The following COL4A5 variants were observed in gnomAD, a reference collection of about 807,000 sequenced individuals.
COL4A5 encodes the protein collagen type IV alpha 5 chain.
A neutral mutation model predicts 130.2 loss-of-function variants in COL4A5; 26 were observed. The ratio of observed to expected loss-of-function variants is 0.20; its 90% CI spans 0.15 to 0.28. The LOEUF is 0.28. Ranked by LOEUF, COL4A5 falls within the 10% of genes least tolerant of loss-of-function variation. The pLI, the probability that COL4A5 is intolerant of heterozygous loss-of-function variation, is 1.00. For synonymous variants in COL4A5, 496 were observed against 439.6 expected, an observed-to-expected ratio of 1.13 and a Z score of -1.60; for missense variants, 1,131 against 1,344.3, an observed-to-expected ratio of 0.84 and a Z score of 2.48.
At chrX:108,582,170 C>T (rs905245257) in intron 16 of COL4A5, among the ~76,000 whole-genome samples, 2 of 111,494 alleles carry the variant, frequency 1.8e-5, no homozygotes, top group African/African-American at 6.5e-5. Flanking sequence ...CAATCCTCAA[C>T]TTACAATCTC....
intron 25 of COL4A5, among the ~76,000 whole-genome samples, chrX:108,599,853 A>G (rs1428207066): frequency 8.9e-6 from 1 of 112,418 alleles, no homozygotes; most frequent in East Asian, 2.8e-4. Context: ...CAAAAGGCTT[A>G]CCAATACCTG....
In COL4A5 at chrX:108,681,822, C is replaced by G; in HGVS notation, c.4150C>G (p.Pro1384Ala). Residue 1384 changes from proline (P) to alanine (A), a missense_variant, in exon 47 of 53, where the codon CCA becomes GCA. Transcript: ENST00000328300. ...CATAATTAAAGGAGATGCTGGTCCT[C>G]CAGGAATCCCTGGCCAGCCTGGGCT... ...SIIIKGDAGP[P>A]GIPGQPGLKG... is the part of the protein sequence containing the mutation. 8.3e-7 allele frequency: 1 copy of G among 1,210,274 alleles called. No homozygotes were observed. Among genetic ancestry groups the G allele is most frequent in the Non-Finnish European group, 1.1e-6 (1 of 894,555 alleles).
At chrX:108,541,496 T>A (rs2067808648) in intron 2 of COL4A5, among the ~76,000 whole-genome samples, 1 of 112,242 alleles carries the variant, frequency 8.9e-6, no homozygotes, top group South Asian at 3.7e-4. Context: ...CAGCCCTTAG[T>A]CTGCATGGCA....
At chrX:108,464,842 G>T (rs1376627940) in intron 1 of COL4A5, among the ~76,000 whole-genome samples, 1 of 112,129 alleles carries the variant, frequency 8.9e-6, no homozygotes. Flanking sequence ...GTTGCCTGGG[G>T]AAATCTTACT....
intron 2 of COL4A5, among the ~76,000 whole-genome samples, chrX:108,558,046 G>A (rs1331118339): frequency 9.5e-6 from 1 of 105,182 alleles, no homozygotes; most frequent in Non-Finnish European, 2.0e-5. Context: ...TTTACATTAG[G>A]TATATCTCCT....
chrX:108,668,365 C>A lies in COL4A5; in HGVS notation c.3651C>A (p.Gly1217=), dbSNP rs1306254202. 1 of 1,211,139 alleles carries A rather than the reference C, an allele frequency of 8.3e-7. No individual in the cohort carries two copies. Among genetic ancestry groups the A allele is most frequent in the South Asian group, 1.8e-5 (1 of 56,954 alleles). ...TACCTGGGATTCCAGGAAATCCTGG[C>A]CTTCCAGGTCCAAAGGGCGAACCAG... is the stretch of plus-strand genomic sequence containing the variant. ...GGLPGIPGNP[G]LPGPKGEPGF... Residue 1217 remains glycine (G), a synonymous_variant, in exon 41 of 53, where the codon GGC becomes GGA. Transcript: ENST00000328300.
At chrX:108,652,462 C>T (rs1301392835) in intron 36 of COL4A5, among the ~76,000 whole-genome samples, 1 of 112,662 alleles carries the variant, frequency 8.9e-6, no homozygotes, top group Non-Finnish European at 1.9e-5. Flanking sequence ...ATGATGTTTA[C>T]TCTTTCTCCT....
intron 29 of COL4A5, among the ~76,000 whole-genome samples, chrX:108,611,206 A>T (rs1191457556): frequency 9.0e-6 from 1 of 111,495 alleles, no homozygotes; most frequent in Non-Finnish European, 1.9e-5. Context: ...ACTCATCATG[A>T]TATATCTATA....
chrX:108,539,597 CTG>C, intron 1 of COL4A5, 147 bp from the exon 2 acceptor site: 1 of 509,373 alleles, frequency 2.0e-6, no homozygotes, highest in Non-Finnish European at 3.5e-6. Context: ...TGAGAGGTAA[CTG>C]TTATTTGCAA....
At chrX:108,610,838 A>C (rs1248685331) in intron 29 of COL4A5, among the ~76,000 whole-genome samples, 2 of 111,560 alleles carry the variant, frequency 1.8e-5, no homozygotes, top group Non-Finnish European at 3.8e-5. Flanking sequence ...TAACTCCTTC[A>C]TTCTTCAAAC....
At chrX:108,670,197 T>C (rs1398822809) in intron 41 of COL4A5, 31 bp from the exon 42 acceptor site, 1 of 1,206,363 alleles carries the variant, frequency 8.3e-7, no homozygotes, top group Non-Finnish European at 1.1e-6. Context: ...ATGATGACAT[T>C]GGGCCTTGGT....
intron 1 of COL4A5, among the ~76,000 whole-genome samples, chrX:108,531,824 C>G (rs889327313): frequency 8.9e-6 from 1 of 111,825 alleles, no homozygotes; most frequent in African/African-American, 3.3e-5. Context: ...CACTGACACA[C>G]TGGAAATCCT....
chrX:108,588,479 T>C (rs777286094), intron 19 of COL4A5, among the ~76,000 whole-genome samples: 1 of 110,317 alleles, frequency 9.1e-6, no homozygotes, highest in Non-Finnish European at 1.9e-5. Flanking sequence ...GTAAAAGAGA[T>C]AAGGAGTTGG....
chrX:108,544,106 C>T (rs1325302619), intron 2 of COL4A5, among the ~76,000 whole-genome samples: 3 of 111,765 alleles, frequency 2.7e-5, no homozygotes, highest in African/African-American at 9.8e-5. Context: ...TTATTTCTTT[C>T]TCCTGCCTGA....
At chrX:108,693,479 G>A (rs1431884800) in intron 50 of COL4A5, 1 of 115,672 alleles carries the variant, frequency 8.6e-6, no homozygotes, top group African/African-American at 3.3e-5. Context: ...CCAGATGGTA[G>A]AAGGCCTTCT....
intron 42 of COL4A5, among the ~76,000 whole-genome samples, chrX:108,671,704 G>A (rs1283272247): frequency 8.9e-6 from 1 of 111,883 alleles, no homozygotes; most frequent in Non-Finnish European, 1.9e-5. Context: ...TTGTTAAACT[G>A]GCCCAACAGG....
intron 29 of COL4A5, among the ~76,000 whole-genome samples, chrX:108,611,874 T>A (rs1677268985): frequency 9.0e-6 from 1 of 111,068 alleles, no homozygotes; most frequent in Non-Finnish European, 1.9e-5. Flanking sequence ...CCAATATCTC[T>A]CATGAACATA....
chrX:108,528,051 ACCTGGAGG>A (rs1418093564), intron 1 of COL4A5, among the ~76,000 whole-genome samples: 2 of 111,904 alleles, frequency 1.8e-5, no homozygotes, highest in Non-Finnish European at 3.8e-5. Context: ...CAAGCAAGAC[ACCTGGAGG>A]CCTAAGAATA....
intron 29 of COL4A5, 62 bp from the exon 30 acceptor site, chrX:108,614,849 T>G: frequency 1.3e-6 from 1 of 791,551 alleles, no homozygotes; most frequent in Non-Finnish European, 1.9e-6. Flanking sequence ...TATGATATGG[T>G]TCCCAAGGAC....
Sources: gnomAD v4.1 joint callset for allele counts (sites outside exome capture counted in the v4.1 genomes callset) on GRCh38, gnomAD v4.1.1 for gene constraint, MANE v1.5 for transcripts, NCBI Gene and HGNC (gene_info 2026-07-23, HGNC 2026-07-21) for gene names.